Variants in ABCG8 observed in about 807,000 individuals in gnomAD.
ABCG8 encodes the protein ATP binding cassette subfamily G member 8.
A neutral mutation model predicts 71.3 loss-of-function variants in ABCG8; 81 were observed. The observed-to-expected ratio is 1.14, with a 90% CI of 0.95 to 1.37. ABCG8 has a LOEUF of 1.37. Among genes scored for constraint, ABCG8 ranks in the 40% most tolerant of loss-of-function variants. ABCG8 has a pLI of 0.00. For missense variants in ABCG8, 1,119 were observed against 866.2 expected (o/e 1.29, Z -3.66); for synonymous variants, 451 against 354.7 (o/e 1.27, Z -3.05).
intron 10 of ABCG8, 30 bp downstream of exon 10, chr2:43,874,513 C>CCA (rs1553383813): frequency 2.6e-6 from 4 of 1,564,014 alleles, no homozygotes; most frequent in East Asian, 2.2e-5. Context: ...AGCAAGTGCC[C>CCA]CCCACCCACC....
At position 43,851,717 on chromosome 2, in the gene ABCG8, C is replaced by G; in HGVS notation, c.456C>G (p.Arg152=). The G allele has an allele frequency of 6.2e-7, 1 of 1,614,246 alleles. No individual in the cohort carries two copies. Among genetic ancestry groups the G allele is most frequent in the Non-Finnish European group, 8.5e-7 (1 of 1,180,044 alleles). Reference sequence around the variant, plus strand: ...TGAGGAAGTGTGTGGCCCACGTGCGCCAGCACAACCAGCTGCTCCCCAACT... The same window carrying G: ...TGAGGAAGTGTGTGGCCCACGTGCGGCAGCACAACCAGCTGCTCCCCAACT... ...QLVRKCVAHV[R]QHNQLLPNLT... is the part of the protein sequence containing the mutation. Residue 152 remains arginine, a synonymous_variant, in exon 4 of 13, where the codon CGC becomes CGG. Transcript: ENST00000272286.
In ABCG8 at chr2:43,881,848, GATAGTAA is replaced by G. The variant is rs1242571299; in HGVS notation, c.*3939_*3945del. ...TGCAAAGTTTTCCTGTTAAGAGTCAGATAGTAAATATTTGGGACTTCGTGGGCCTTAT... is the reference window on the plus strand; with the variant it reads ...TGCAAAGTTTTCCTGTTAAGAGTCAGATATTTGGGACTTCGTGGGCCTTAT... On this transcript the variant is annotated 3_prime_UTR_variant, in exon 13 of 13. Coordinates refer to ENST00000272286, the MANE Select transcript of ABCG8 (RefSeq NM_022437.3). The G allele has an allele frequency of 6.6e-6, 1 of 152,232 alleles. No homozygotes were observed. The highest frequency in any genetic ancestry group is 1.5e-5 in the Non-Finnish European group (1 of 68,048). 9.4% of individuals were successfully genotyped at this position (152,232 alleles called of 1,614,324 possible). A position where few individuals can be genotyped will look rare whatever the true frequency, so the allele number is the denominator to read the frequency against.
At chr2:43,875,076 C>A in intron 10 of ABCG8, 70 bp from the exon 11 acceptor site, 3 of 1,609,018 alleles carry the variant, frequency 1.9e-6, no homozygotes, top group Non-Finnish European at 2.5e-6. Context: ...GGCACTGCTA[C>A]TTTTAAACGT....
At position 43,839,058 on chromosome 2, in the gene ABCG8, C is replaced by A; in HGVS notation, c.5C>A (p.Ala2Asp). 6.4e-7 allele frequency: 1 copy of A among 1,551,014 alleles called. No individual in the cohort carries two copies. The highest frequency in any genetic ancestry group is 8.7e-7 in the Non-Finnish European group (1 of 1,146,796). Reference protein sequence around the residue: MAGKAAEERGLP... With the variant: MDGKAAEERGLP... ...GGTCACAGACCTGTGGGCCCCATGG[C>A]CGGGAAGGCGGCAGAGGAGAGAGGG... The change falls in exon 1 of 13, where the codon GCC becomes GAC. Residue 2 changes from alanine to aspartate, a missense_variant. Transcript: ENST00000272286.
intron 6 of ABCG8, among the ~76,000 whole-genome samples, chr2:43,858,637 ACT>A (rs1669195443): frequency 6.7e-6 from 1 of 148,700 alleles, no homozygotes; most frequent in Non-Finnish European, 1.5e-5. Flanking sequence ...TGGAATTCCC[ACT>A]CTCTGGATAG....
At position 43,849,568 on chromosome 2, in the gene ABCG8, A is replaced by T. The variant is rs567276474; in HGVS notation, c.323-2016A>T. On this transcript the variant is annotated intron_variant, in intron 3 of 12. Transcript: ENST00000272286. ...AGATTCGGGTGGGGACACAGAGCCA[A>T]ACCATATCAGAGAGTCTCCCCAGAT... Among the ~76,000 whole-genome samples the T allele has an allele frequency of 2.8e-4, 42 of 152,242 alleles. No individual in the cohort carries two copies. In the South Asian group the frequency reaches 7.3e-3, roughly 26 times the overall value.
intron 6 of ABCG8, among the ~76,000 whole-genome samples, chr2:43,860,055 A>G (rs191364696): frequency 2.0e-5 from 3 of 150,898 alleles, no homozygotes; most frequent in East Asian, 2.0e-4. Context: ...AACTCTCACT[A>G]TCTATCTGGA....
At chr2:43,873,648 A>G (rs1401301019) in intron 8 of ABCG8, 139 bp from the exon 9 acceptor site, 1 of 805,670 alleles carries the variant, frequency 1.2e-6, no homozygotes, top group Non-Finnish European at 2.1e-6. Context: ...TTTAATCCTC[A>G]GAGCCACTCT....
chr2:43,865,947 C>T (rs1157023529), intron 6 of ABCG8, among the ~76,000 whole-genome samples: 1 of 152,076 alleles, frequency 6.6e-6, no homozygotes, highest in African/African-American at 2.4e-5. Context: ...AATTCTCACC[C>T]TCTTAGGCTA....
rs1268773024 is a variant in ABCG8 at position 43,880,828 on chromosome 2, T to G, written c.*2915T>G. On this transcript the variant is annotated 3_prime_UTR_variant, in exon 13 of 13. Transcript: ENST00000272286. ...ATTACCCTTAGGTTATTTACTCATT[T>G]GATTAACCGCCTGCAGGTAAGTAAT... 2.0e-5 allele frequency: 3 copies of G among 152,262 alleles called. No individual in the cohort carries two copies. The allele number at this position is 152,262 out of a possible 1,614,324, so 9.4% of individuals were successfully genotyped here. A position where few individuals can be genotyped will look rare whatever the true frequency, so the allele number is the denominator to read the frequency against.
intron 6 of ABCG8, among the ~76,000 whole-genome samples, chr2:43,854,648 A>G (rs1355084802): frequency 8.8e-5 from 11 of 125,146 alleles, no homozygotes; most frequent in Non-Finnish European, 1.5e-4. Context: ...AAAAAAAAGG[A>G]TATGGGAGGA....
At chr2:43,876,182 T>C (rs1371737765) in intron 11 of ABCG8, among the ~76,000 whole-genome samples, 1 of 152,144 alleles carries the variant, frequency 6.6e-6, no homozygotes, top group East Asian at 1.9e-4. Flanking sequence ...ATCACATCCC[T>C]CTCGAGAATT....
At chr2:43,873,611 G>A (rs955112957) in intron 8 of ABCG8, among the ~76,000 whole-genome samples, 176 bp from the exon 9 acceptor site, 2 of 152,060 alleles carry the variant, frequency 1.3e-5, no homozygotes, top group East Asian at 1.9e-4. Flanking sequence ...ACCTACTGTG[G>A]GACAGATGCT....
At chr2:43,847,866 G>A (rs1038662837) in intron 3 of ABCG8, 4 of 151,418 alleles carry the variant, frequency 2.6e-5, no homozygotes. Flanking sequence ...GTTCAAGCGA[G>A]TCTCATGTCT....
Position 43,867,347 on chromosome 2 carries a change from T to TAA in ABCG8, c.965-4618_965-4617dup, listed in dbSNP as rs35927760. On this transcript the variant is annotated intron_variant, in intron 6 of 12. Coordinates refer to ENST00000272286, the MANE Select transcript of ABCG8 (RefSeq NM_022437.3). Reference sequence around the variant, plus strand: ...TGTACCCTAAAACTTAAAGTATAATTAAAAAAAAAAAAGAATTCTCACCCT... The same window carrying TAA: ...TGTACCCTAAAACTTAAAGTATAATTAAAAAAAAAAAAAAGAATTCTCACCCT... Among the ~76,000 whole-genome samples the TAA allele has an allele frequency of 2.2e-3, 326 of 147,950 alleles. 1 individual carries two copies. Among genetic ancestry groups the TAA allele is most frequent in the Middle Eastern group, 3.5e-3 (1 of 288 alleles).
At chr2:43,858,000 CACTCTCTAGATAGA>C in intron 6 of ABCG8, among the ~76,000 whole-genome samples, 1 of 151,700 alleles carries the variant, frequency 6.6e-6, no homozygotes, top group African/African-American at 2.4e-5. Flanking sequence ...ATAGAATTCT[CACTCTCTAGATAGA>C]ACTCTCAATA....
At chr2:43,846,471 A>C (rs1189293237) in intron 3 of ABCG8, 160 bp downstream of exon 3, 1 of 1,061,770 alleles carries the variant, frequency 9.4e-7, no homozygotes, top group East Asian at 2.6e-5. Context: ...ACCTGGGCTC[A>C]AATCCTGGCT....
At chr2:43,872,431 C>A in intron 8 of ABCG8, 125 bp downstream of exon 8, 1 of 1,133,234 alleles carries the variant, frequency 8.8e-7, no homozygotes, top group Non-Finnish European at 1.3e-6. Flanking sequence ...TTGAAAAAAA[C>A]AGCATCCAGC....
intron 9 of ABCG8, 29 bp from the exon 10 acceptor site, chr2:43,874,378 A>C: frequency 6.6e-7 from 1 of 1,510,598 alleles, no homozygotes. Flanking sequence ...CTACTTCTTC[A>C]TTCTCTTTTC....
Sources: allele counts gnomAD v4.1 joint callset (sites outside exome capture counted in the v4.1 genomes callset), GRCh38; gene constraint gnomAD v4.1.1; transcripts MANE v1.5; gene names NCBI Gene and HGNC (gene_info 2026-07-23, HGNC 2026-07-21).